EML4: variants seen among roughly 807,000 people sequenced by gnomAD.
The protein encoded by EML4 is echinoderm microtubule-associated protein-like 4.
A neutral mutation model predicts 129.0 loss-of-function variants in EML4; 72 were observed. The observed-to-expected ratio is 0.56, with a 90% CI of 0.46 to 0.68. EML4 has a LOEUF of 0.68. EML4 is among the 30% of genes least tolerant of loss of function. The pLI, the probability that EML4 is intolerant of heterozygous loss-of-function variation, is 0.00. For missense variants in EML4, 1,363 were observed against 1,190.6 expected, an observed-to-expected ratio of 1.14 and a Z score of -2.13; for synonymous variants, 532 against 405.0, an observed-to-expected ratio of 1.31 and a Z score of -3.77.
chr2:42,213,383 T>G (rs1267086644), intron 1 of EML4, among the ~76,000 whole-genome samples: 1 of 152,216 alleles, frequency 6.6e-6, no homozygotes, highest in Non-Finnish European at 1.5e-5. Flanking sequence ...GTATTATGTT[T>G]GTACAATTTG....
At chr2:42,289,411 G>A (rs1667495072) in intron 11 of EML4, 1 of 152,102 alleles carries the variant, frequency 6.6e-6, no homozygotes, top group Admixed American at 6.6e-5. Flanking sequence ...CTGCTCCCAT[G>A]GCCTCATTTT....
intron 1 of EML4, among the ~76,000 whole-genome samples, chr2:42,191,009 A>G (rs1671550155): frequency 6.6e-6 from 1 of 152,146 alleles, no homozygotes; most frequent in African/African-American, 2.4e-5. Context: ...GGTCTTGTGC[A>G]TTTGTTTTAT....
chr2:42,253,615 T>G (rs2104343320), intron 2 of EML4, among the ~76,000 whole-genome samples: 1 of 152,292 alleles, frequency 6.6e-6, no homozygotes, highest in African/African-American at 2.4e-5. Flanking sequence ...GTAGTGAAGA[T>G]GCATCCATTT....
intron 11 of EML4, among the ~76,000 whole-genome samples, chr2:42,293,858 C>G (rs1667796845): frequency 6.6e-6 from 1 of 152,240 alleles, no homozygotes; most frequent in Non-Finnish European, 1.5e-5. Context: ...ATCCACCCGC[C>G]TCAGCCTCCC....
intron 3 of EML4, among the ~76,000 whole-genome samples, chr2:42,260,879 C>G (rs1217906034): frequency 2.0e-5 from 3 of 152,198 alleles, no homozygotes; most frequent in African/African-American, 7.2e-5. Context: ...GAGACCATTT[C>G]TGTCTAAAGG....
intron 6 of EML4, among the ~76,000 whole-genome samples, chr2:42,279,136 TTTA>T (rs1666857904): frequency 6.6e-6 from 1 of 152,174 alleles, no homozygotes; most frequent in Non-Finnish European, 1.5e-5. Context: ...GTTTTTGTTT[TTTA>T]TTATTGCAAG....
intron 6 of EML4, among the ~76,000 whole-genome samples, chr2:42,269,055 T>G (rs1666224038): frequency 6.6e-6 from 1 of 152,208 alleles, no homozygotes; most frequent in Admixed American, 6.5e-5. Context: ...ATTTACCATT[T>G]CAGTACAGTG....
At chr2:42,188,409 A>G (rs1228812421) in intron 1 of EML4, among the ~76,000 whole-genome samples, 1 of 150,182 alleles carries the variant, frequency 6.7e-6, no homozygotes, top group Non-Finnish European at 1.5e-5. Flanking sequence ...TTTTGTTGAG[A>G]AGGGTTTTTG....
chr2:42,272,397 T>C (rs61600825), intron 6 of EML4, among the ~76,000 whole-genome samples: 22,921 of 152,224 alleles, frequency 0.15, 2,026 homozygotes, highest in South Asian at 0.3. Context: ...TCTAAAAATA[T>C]ATTCAAATAA....
intron 1 of EML4, among the ~76,000 whole-genome samples, chr2:42,229,914 A>G (rs200113873): frequency 2.6e-5 from 4 of 151,222 alleles, no homozygotes; most frequent in African/African-American, 9.8e-5. Flanking sequence ...AAGAAAGGAA[A>G]GGGGATATTC....
intron 2 of EML4, among the ~76,000 whole-genome samples, chr2:42,250,825 A>G (rs1675717274): frequency 6.6e-6 from 1 of 152,184 alleles, no homozygotes; most frequent in African/African-American, 2.4e-5. Context: ...TGAAATAATT[A>G]TACAACTCAC....
intron 13 of EML4, among the ~76,000 whole-genome samples, chr2:42,299,388 C>G (rs1668148121): frequency 2.0e-5 from 3 of 152,160 alleles, no homozygotes; most frequent in South Asian, 4.1e-4. Context: ...ATATATAATT[C>G]ACATACCATG....
At chr2:42,187,530 A>G (rs907268862) in intron 1 of EML4, among the ~76,000 whole-genome samples, 3 of 152,186 alleles carry the variant, frequency 2.0e-5, no homozygotes, top group Non-Finnish European at 4.4e-5. Context: ...TATTGACTAG[A>G]TGATGGACAT....
intron 19 of EML4, among the ~76,000 whole-genome samples, chr2:42,323,154 T>G (rs1381519486): frequency 1.3e-5 from 2 of 152,154 alleles, no homozygotes; most frequent in African/African-American, 2.4e-5. Context: ...TCCATTAGGG[T>G]GAAATTCTCA....
intron 1 of EML4, among the ~76,000 whole-genome samples, chr2:42,174,953 A>G (rs907914441): frequency 2.0e-5 from 3 of 149,460 alleles, no homozygotes; most frequent in African/African-American, 7.5e-5. Context: ...AGTAGCTGGG[A>G]TTACAGGTGC....
At chr2:42,274,276 T>G (rs554285518) in intron 6 of EML4, among the ~76,000 whole-genome samples, 1 of 152,190 alleles carries the variant, frequency 6.6e-6, no homozygotes, top group African/African-American at 2.4e-5. Flanking sequence ...AAATACAGAT[T>G]AAAAAATGGA....
chr2:42,226,592 G>C (rs1055850545), intron 1 of EML4, among the ~76,000 whole-genome samples: 1 of 152,072 alleles, frequency 6.6e-6, no homozygotes. Flanking sequence ...GGGAGGCGCA[G>C]GTTGCTGTGA....
intron 11 of EML4, among the ~76,000 whole-genome samples, chr2:42,294,524 T>C (rs1572706138): frequency 6.6e-6 from 1 of 152,150 alleles, no homozygotes; most frequent in Admixed American, 6.5e-5. Flanking sequence ...GGTGAAACCA[T>C]GTCTCTATTG....
intron 1 of EML4, among the ~76,000 whole-genome samples, chr2:42,218,362 ATTATT>A (rs780224910): frequency 5.9e-5 from 9 of 152,116 alleles, no homozygotes; most frequent in Non-Finnish European, 1.2e-4. Context: ...GAGCCATATA[ATTATT>A]TTATTATATA....
Sources: gnomAD v4.1 joint callset for allele counts (sites outside exome capture counted in the v4.1 genomes callset) on GRCh38, gnomAD v4.1.1 for gene constraint, MANE v1.5 for transcripts, NCBI Gene and HGNC (gene_info 2026-07-23, HGNC 2026-07-21) for gene names.